Variants in MCUB observed in about 807,000 individuals in gnomAD.
MCUB encodes the protein mitochondrial calcium uniporter dominant negative subunit beta, also known as calcium uniporter regulatory subunit MCUb, mitochondrial.
Under a neutral mutation model 41.4 loss-of-function variants are expected in MCUB, and 46 were observed. The observed-to-expected ratio is 1.11, with a 90% CI of 0.88 to 1.42. The LOEUF (loss-of-function observed/expected upper bound fraction) is 1.42, where lower values mean the gene tolerates loss of function less well. MCUB is among the 40% of genes most tolerant of loss of function. The pLI is 0.00. For synonymous variants in MCUB, 148 were observed against 148.2 expected, an observed-to-expected ratio of 1.00 and a Z score of 0.01; for missense variants, 403 against 404.9, an observed-to-expected ratio of 1.00 and a Z score of 0.04.
intron 1 of MCUB, among the ~76,000 whole-genome samples, chr4:109,645,859 T>C (rs1306952651): frequency 6.6e-6 from 1 of 152,186 alleles, no homozygotes; most frequent in African/African-American, 2.4e-5. Flanking sequence ...GCTCTCCATC[T>C]TGTGTCCCTC....
intron 3 of MCUB, 21 bp from the exon 4 acceptor site, chr4:109,664,269 T>TGCATGA: frequency 8.9e-7 from 1 of 1,119,782 alleles, no homozygotes; most frequent in Non-Finnish European, 1.4e-6. Context: ...GACATGCTCA[T>TGCATGA]GCATGATGTT....
chr4:109,670,638 C>T (rs1327011347), intron 4 of MCUB, among the ~76,000 whole-genome samples: 1 of 151,932 alleles, frequency 6.6e-6, no homozygotes, highest in African/African-American at 2.4e-5. Flanking sequence ...ATCGCTTGAA[C>T]CCGGAAGGCG....
At chr4:109,561,087 G>A (rs1220901090) in intron 1 of MCUB, 2 of 151,180 alleles carry the variant, frequency 1.3e-5, no homozygotes, top group African/African-American at 5.0e-5. Context: ...GGAGTAGAGA[G>A]TGGATGTGCA....
intron 1 of MCUB, among the ~76,000 whole-genome samples, chr4:109,569,686 A>G (rs1477515442): frequency 6.6e-6 from 1 of 151,730 alleles, no homozygotes; most frequent in Non-Finnish European, 1.5e-5. Context: ...GTATTTTAGT[A>G]GAGATGGTGT....
intron 1 of MCUB, among the ~76,000 whole-genome samples, chr4:109,561,734 A>G (rs1170469787): frequency 6.6e-6 from 1 of 152,182 alleles, no homozygotes; most frequent in East Asian, 1.9e-4. Context: ...TGCCATTTTA[A>G]ACACAGATTA....
intron 1 of MCUB, among the ~76,000 whole-genome samples, chr4:109,571,414 G>A (rs1726911683): frequency 6.6e-6 from 1 of 152,170 alleles, no homozygotes; most frequent in African/African-American, 2.4e-5. Flanking sequence ...CCAGGTTCAA[G>A]CAAGTCTTCT....
At chr4:109,651,725 C>T (rs1172225486) in intron 1 of MCUB, among the ~76,000 whole-genome samples, 1 of 152,142 alleles carries the variant, frequency 6.6e-6, no homozygotes, top group African/African-American at 2.4e-5. Flanking sequence ...ACTCCCTTTC[C>T]ATAATTGTAG....
intron 4 of MCUB, among the ~76,000 whole-genome samples, chr4:109,677,802 A>ATTTTTTTTTT (rs71595506): frequency 1.2e-5 from 1 of 86,606 alleles, no homozygotes; most frequent in African/African-American, 4.7e-5. Context: ...AAGGAAACAA[A>ATTTTTTTTTT]TTTTTTTTTT....
intron 4 of MCUB, among the ~76,000 whole-genome samples, chr4:109,678,959 C>T (rs1412820816): frequency 2.0e-5 from 3 of 150,674 alleles, no homozygotes; most frequent in Non-Finnish European, 4.4e-5. Flanking sequence ...CAGAGGCGCT[C>T]CTCACTTCCC....
At chr4:109,609,134 G>T (rs2126132966) in intron 1 of MCUB, among the ~76,000 whole-genome samples, 1 of 152,298 alleles carries the variant, frequency 6.6e-6, no homozygotes, top group East Asian at 1.9e-4. Flanking sequence ...TTACTGGGAA[G>T]GGCTCCCAAT....
intron 4 of MCUB, chr4:109,674,116 A>G: frequency 1.4e-6 from 2 of 1,425,968 alleles, no homozygotes; most frequent in Non-Finnish European, 2.0e-6. Context: ...GGCAAAACCT[A>G]AGCCTTAGAA....
At chr4:109,628,948 A>G (rs1436491090) in intron 1 of MCUB, among the ~76,000 whole-genome samples, 1 of 152,200 alleles carries the variant, frequency 6.6e-6, no homozygotes, top group East Asian at 1.9e-4. Context: ...AAAGGAAGCC[A>G]CGGCCAAAGG....
At chr4:109,610,090 G>A (rs149649439) in intron 1 of MCUB, among the ~76,000 whole-genome samples, 179 of 152,298 alleles carry the variant, frequency 1.2e-3, no homozygotes, top group African/African-American at 4.0e-3. Flanking sequence ...CCAGGCTACT[G>A]CCAATGTTCA....
chr4:109,681,461 C>T, intron 4 of MCUB: 1 of 453,760 alleles, frequency 2.2e-6, no homozygotes, highest in Non-Finnish European at 4.4e-6. Context: ...TCCTTGCTCC[C>T]AGAACTCCCA....
chr4:109,624,404 C>A (rs1449232893), intron 1 of MCUB, among the ~76,000 whole-genome samples: 1 of 152,184 alleles, frequency 6.6e-6, no homozygotes, highest in East Asian at 1.9e-4. Context: ...TCCAGAATAT[C>A]ACTGGAGCAT....
intron 1 of MCUB, among the ~76,000 whole-genome samples, chr4:109,613,401 A>G (rs939040191): frequency 6.6e-6 from 1 of 152,172 alleles, no homozygotes; most frequent in Non-Finnish European, 1.5e-5. Context: ...TGTAGTCATT[A>G]CAAGGCTGTT....
chr4:109,681,921 C>T (rs184395089), intron 4 of MCUB, among the ~76,000 whole-genome samples: 9 of 152,330 alleles, frequency 5.9e-5, no homozygotes, highest in Admixed American at 1.3e-4. Flanking sequence ...AGCTCCCATA[C>T]GAAGGGAGGG....
intron 1 of MCUB, among the ~76,000 whole-genome samples, chr4:109,624,314 A>G (rs978327211): frequency 6.6e-6 from 1 of 152,208 alleles, no homozygotes; most frequent in Non-Finnish European, 1.5e-5. Flanking sequence ...TATGCCAGGC[A>G]TTTGCTCCGG....
intron 1 of MCUB, among the ~76,000 whole-genome samples, chr4:109,636,068 C>G (rs1158460609): frequency 3.9e-5 from 6 of 152,186 alleles, no homozygotes; most frequent in Non-Finnish European, 8.8e-5. Context: ...TGAGCATAGA[C>G]TTAGTCTCAA....
Sources: allele counts gnomAD v4.1 joint callset (sites outside exome capture counted in the v4.1 genomes callset), GRCh38; gene constraint gnomAD v4.1.1; transcripts MANE v1.5; gene names NCBI Gene and HGNC (gene_info 2026-07-23, HGNC 2026-07-21).